KCTD9: variants seen among roughly 807,000 people sequenced by gnomAD.
KCTD9 encodes the protein BTB/POZ domain-containing protein KCTD9.
A neutral mutation model predicts 53.3 loss-of-function variants in KCTD9; 17 were observed. The observed-to-expected ratio is 0.32, with a 90% CI of 0.22 to 0.48. KCTD9 has a LOEUF of 0.48. Ranked by LOEUF, KCTD9 falls within the 20% of genes least tolerant of loss-of-function variation. KCTD9 has a pLI of 0.99. For missense variants in KCTD9, 179 were observed against 465.5 expected (o/e 0.38, Z 5.66); for synonymous variants, 128 against 162.7 (o/e 0.79, Z 1.62).
chr8:25,457,858 G>A (rs1249040909), intron 1 of KCTD9: 2 of 189,862 alleles, frequency 1.1e-5, no homozygotes, highest in East Asian at 1.3e-4. Context: ...GGGGAGAGGC[G>A]GGAAGAGGCG....
At chr8:25,457,720 A>C (rs1802483496) in intron 1 of KCTD9, 1 of 152,824 alleles carries the variant, frequency 6.5e-6, no homozygotes, top group Non-Finnish European at 1.5e-5. Flanking sequence ...TTGTTTATCC[A>C]CGGGCAGTTT....
rs1801865133 is a variant in KCTD9, at chr8:25,427,975, AG to A, written c.*1881del. ...TGTCAACACATATTGAAGAAATGTA[AG>A]CAAAATACAGAAAGTGATGATTTTC... On this transcript the variant is annotated 3_prime_UTR_variant, in exon 12 of 12. Coordinates refer to ENST00000221200, the MANE Select transcript of KCTD9 (RefSeq NM_017634.4). The A allele has an allele frequency of 1.3e-5, 2 of 152,244 alleles. No homozygotes were observed. The highest frequency in any genetic ancestry group is 4.8e-5 in the African/African-American group (2 of 41,468). The allele number at this position is 152,244 out of a possible 1,614,324, so 9.4% of individuals were successfully genotyped here.
intron 1 of KCTD9, among the ~76,000 whole-genome samples, chr8:25,456,569 C>A (rs1312157881): frequency 6.6e-6 from 1 of 151,946 alleles, no homozygotes; most frequent in African/African-American, 2.4e-5. Flanking sequence ...TACGTTGTAA[C>A]ATAAACATAT....
At chr8:25,436,164 A>T in intron 8 of KCTD9, 71 bp downstream of exon 8, 1 of 954,214 alleles carries the variant, frequency 1.0e-6, no homozygotes, top group Non-Finnish European at 1.7e-6. Flanking sequence ...ATCCCAAAAC[A>T]CTAGAAGAAT....
chr8:25,435,022 G>C (rs1271489853), intron 9 of KCTD9, among the ~76,000 whole-genome samples: 1 of 152,136 alleles, frequency 6.6e-6, no homozygotes, highest in East Asian at 1.9e-4. Flanking sequence ...AGGCTGAATA[G>C]ATTTCAAGGT....
At chr8:25,431,556 G>C (rs1341872952) in intron 11 of KCTD9, among the ~76,000 whole-genome samples, 1 of 152,126 alleles carries the variant, frequency 6.6e-6, no homozygotes, top group African/African-American at 2.4e-5. Flanking sequence ...ATCAGTCTTT[G>C]CAATCAGAGA....
At chr8:25,437,847 C>CAA (rs59540797) in intron 6 of KCTD9, among the ~76,000 whole-genome samples, 701 of 62,550 alleles carry the variant, frequency 0.011, 55 homozygotes, top group African/African-American at 0.026. Context: ...GACCCTGTCT[C>CAA]AAAAAAAAAA....
intron 1 of KCTD9, among the ~76,000 whole-genome samples, chr8:25,457,073 AT>A (rs1411519342): frequency 7.2e-5 from 11 of 152,160 alleles, no homozygotes; most frequent in Admixed American, 7.2e-4. Context: ...ACGAATTCTG[AT>A]TTTAAATGAG....
rs993688568 is a variant in KCTD9 at position 25,439,637 on chromosome 8, G to C, written c.339C>G (p.Asp113Glu). The change falls in exon 5 of 12, where the codon GAC (aspartate) becomes GAG (glutamate). Residue 113 changes from aspartate (D) to glutamate (E), a missense_variant. By Grantham distance (45) the Asp-to-Glu change is conservative (BLOSUM62 2). This residue lies in a region of KCTD9 where 115 missense variants were observed against 250.9 expected (regional missense o/e 0.46). Coordinates refer to ENST00000221200, the MANE Select transcript of KCTD9 (RefSeq NM_017634.4). ...CCTTAAACATGTGGGCCAGCATACT[G>C]TCAGGTTCTTTATTCACTAAAGTGC... ...TRSTLVNKEP[D>E]SMLAHMFKDK... 4.3e-6 allele frequency: 7 copies of C among 1,613,944 alleles called. 1 individual carries two copies. In the Middle Eastern group the frequency reaches 8.2e-4, roughly 190 times the overall value.
intron 1 of KCTD9, chr8:25,457,530 T>C (rs1319969899): frequency 1.6e-5 from 3 of 189,244 alleles, no homozygotes; most frequent in Non-Finnish European, 2.9e-5. Flanking sequence ...ATCGATCCCT[T>C]TTGGGTCTGC....
At chr8:25,455,835 C>T (rs1454008256) in intron 1 of KCTD9, among the ~76,000 whole-genome samples, 1 of 152,192 alleles carries the variant, frequency 6.6e-6, no homozygotes, top group Admixed American at 6.5e-5. Context: ...TGACTGGAGG[C>T]ACCTGTGTCT....
chr8:25,429,934 G>A lies in KCTD9; in HGVS notation c.1093C>T (p.Leu365=). 1.2e-6 allele frequency: 2 copies of A among 1,609,474 alleles called. No individual in the cohort carries two copies. Among genetic ancestry groups the A allele is most frequent in the Non-Finnish European group, 8.5e-7 (1 of 1,175,874 alleles). Residue 365 remains leucine (L), a synonymous_variant, in exon 12 of 12, where the codon CTG becomes TTG. Transcript: ENST00000221200. The part of the protein sequence containing the change: ...LSGCDLQEAN[L]RGSNVKGAIF... ...GCTCCCTTCACGTTGGACCCTCTCAGGTTGGCTTCTTGAAGATCACACCCA... is the reference window on the plus strand; with the variant it reads ...GCTCCCTTCACGTTGGACCCTCTCAAGTTGGCTTCTTGAAGATCACACCCA...
At chr8:25,453,995 C>T (rs770094344) in intron 1 of KCTD9, among the ~76,000 whole-genome samples, 3 of 152,212 alleles carry the variant, frequency 2.0e-5, no homozygotes, top group African/African-American at 4.8e-5. Context: ...ACTCTAACAA[C>T]GTAATGGATT....
At chr8:25,454,817 T>C (rs1265573602) in intron 1 of KCTD9, among the ~76,000 whole-genome samples, 1 of 152,218 alleles carries the variant, frequency 6.6e-6, no homozygotes, top group East Asian at 1.9e-4. Flanking sequence ...AAAGTACATG[T>C]TTTCCCAAAT....
At chr8:25,445,797 C>T (rs963993178) in intron 2 of KCTD9, among the ~76,000 whole-genome samples, 4 of 151,392 alleles carry the variant, frequency 2.6e-5, no homozygotes, top group African/African-American at 7.3e-5. Flanking sequence ...AACAAGCAGG[C>T]GCATATAAAA....
At chr8:25,452,943 G>A (rs1176499028) in intron 1 of KCTD9, among the ~76,000 whole-genome samples, 4 of 152,142 alleles carry the variant, frequency 2.6e-5, no homozygotes, top group Non-Finnish European at 5.9e-5. Context: ...GAGGAAGGAG[G>A]ACTGCTTGAG....
rs1372085044 is a variant in KCTD9, at chr8:25,435,374, A to G, written c.802T>C (p.Ser268Pro). Residue 268 changes from serine (S) to proline (P), a missense_variant, in exon 9 of 12, where the codon TCA becomes CCA. Physicochemically the swap from Ser to Pro is moderately conservative, Grantham distance 74. Around this residue, in one of 4 missense-constraint regions of KCTD9, gnomAD observed 32 missense variants for 55.7 expected, o/e 0.57. Transcript: ENST00000221200. ...AAAATGATACTTACGTCAAGCACTG[A>G]TCCAGAGAGATCAGCTCGTTCAAGA... ...ANLERADLSG[S>P]VLDCANLQGV... is the part of the protein sequence containing the mutation. 1.2e-6 allele frequency: 2 copies of G among 1,604,100 alleles called. No individual in the cohort carries two copies. The highest frequency in any genetic ancestry group is 1.7e-6 in the Non-Finnish European group (2 of 1,176,552).
chr8:25,437,799 G>A (rs1802045600), intron 6 of KCTD9, among the ~76,000 whole-genome samples: 1 of 126,564 alleles, frequency 7.9e-6, no homozygotes, highest in South Asian at 2.6e-4. Context: ...AGTGAGCAGA[G>A]ATCACACCAT....
chr8:25,436,403 TA>T lies in KCTD9; in HGVS notation c.567+14del. On this transcript the variant is annotated intron_variant, in intron 7 of 11. Coordinates refer to ENST00000221200, the MANE Select transcript of KCTD9 (RefSeq NM_017634.4). ...ACAATGAATGTAACACTGGCTAATG[TA>T]AAAACAGGCTTACCTTTATTGCCAC... 6.2e-7 allele frequency: 1 copy of T among 1,608,736 alleles called. No individual in the cohort carries two copies.
Sources: gnomAD v4.1 joint callset for allele counts (sites outside exome capture counted in the v4.1 genomes callset) on GRCh38, gnomAD v4.1.1 for gene constraint, gnomAD v4.1.1 regional missense constraint, MANE v1.5 for transcripts, NCBI Gene and HGNC (gene_info 2026-07-23, HGNC 2026-07-21) for gene names.